Variants in JAK1 observed in about 807,000 individuals in gnomAD.
JAK1 encodes the protein tyrosine-protein kinase JAK1.
JAK1 carries 16 observed loss-of-function variants against 136.6 expected under a neutral mutation model. The observed-to-expected ratio is 0.12, with a 90% confidence interval of 0.08 to 0.18. The LOEUF is 0.18. Among genes scored for constraint, JAK1 ranks in the 10% least tolerant of loss-of-function variants. The probability of loss-of-function intolerance (pLI) is 1.00; values close to 1 mark genes in which losing one functional copy is unlikely to be tolerated. For synonymous variants in JAK1, 492 were observed against 519.5 expected (o/e 0.95, Z 0.72); for missense variants, 859 against 1,450.1 (o/e 0.59, Z 6.62).
At chr1:64,888,989 C>A (rs1023849009) in intron 1 of JAK1, among the ~76,000 whole-genome samples, 3 of 152,210 alleles carry the variant, frequency 2.0e-5, no homozygotes, top group African/African-American at 7.2e-5. Context: ...TGCTGATCCA[C>A]TTTATATGAA....
chr1:65,007,316 GTTCT>G (rs1399679759), intron 2 of JAK1, among the ~76,000 whole-genome samples: 3 of 152,130 alleles, frequency 2.0e-5, no homozygotes, highest in Non-Finnish European at 4.4e-5. Flanking sequence ...TCTTATTCTT[GTTCT>G]TTGTCAGGCA....
chr1:64,965,481 A>T (rs1646355637), intron 1 of JAK1, among the ~76,000 whole-genome samples: 3 of 152,138 alleles, frequency 2.0e-5, no homozygotes, highest in Non-Finnish European at 4.4e-5. Flanking sequence ...CGTGGTAAAC[A>T]CACATCCAAG....
intron 5 of JAK1, among the ~76,000 whole-genome samples, chr1:64,870,415 T>C (rs1159165620): frequency 2.0e-5 from 3 of 152,082 alleles, no homozygotes; most frequent in African/African-American, 7.2e-5. Flanking sequence ...GATTCCACTC[T>C]AAGGAGAAAG....
intron 1 of JAK1, among the ~76,000 whole-genome samples, chr1:64,907,494 G>A (rs1481881639): frequency 2.6e-5 from 4 of 152,118 alleles, no homozygotes; most frequent in African/African-American, 7.2e-5. Context: ...AATAAGATAT[G>A]TTTGGACACA....
intron 1 of JAK1, among the ~76,000 whole-genome samples, chr1:64,887,345 T>G (rs559298543): frequency 6.6e-6 from 1 of 152,338 alleles, no homozygotes; most frequent in East Asian, 1.9e-4. Context: ...CACAAAAGTT[T>G]TTTAAAAATT....
At chr1:65,013,369 C>T (rs1042689640) in intron 2 of JAK1, among the ~76,000 whole-genome samples, 9 of 150,882 alleles carry the variant, frequency 6.0e-5, no homozygotes, top group African/African-American at 2.0e-4. Context: ...GCACTCCAGC[C>T]TGGGCAACAG....
At chr1:65,066,658 G>C (rs950805794) in intron 1 of JAK1, 1 of 152,576 alleles carries the variant, frequency 6.6e-6, no homozygotes, top group East Asian at 1.9e-4. Context: ...CCTCGTGGTA[G>C]CGCCCGGTCC....
chr1:64,939,403 A>G (rs930324142), intron 1 of JAK1, among the ~76,000 whole-genome samples: 5 of 152,238 alleles, frequency 3.3e-5, no homozygotes, highest in Non-Finnish European at 5.9e-5. Context: ...ATACATTCAC[A>G]CAAGTTCACA....
At chr1:64,985,730 C>G in intron 2 of JAK1, 1 of 685,694 alleles carries the variant, frequency 1.5e-6, no homozygotes, top group Non-Finnish European at 2.7e-6. Flanking sequence ...CCAAGTAGGC[C>G]AGGATCAGTA....
chr1:64,941,914 C>T (rs1645897092), intron 1 of JAK1: 1 of 152,092 alleles, frequency 6.6e-6, no homozygotes, highest in Non-Finnish European at 1.5e-5. Context: ...CAGAGAAAGC[C>T]CTAGAGAAAG....
upstream of JAK1, among the ~76,000 whole-genome samples, chr1:64,967,493 A>G (rs1329753596): frequency 6.6e-6 from 1 of 152,188 alleles, no homozygotes; most frequent in African/African-American, 2.4e-5. Flanking sequence ...CTTCCCCCTG[A>G]CAATCCCTGG....
intron 2 of JAK1, among the ~76,000 whole-genome samples, chr1:65,005,894 A>C (rs1236792147): frequency 1.3e-5 from 2 of 152,174 alleles, no homozygotes; most frequent in Non-Finnish European, 2.9e-5. Context: ...ATCTTGCAGA[A>C]GAATAAGTTG....
intron 22 of JAK1, 113 bp from the exon 23 acceptor site, chr1:64,836,328 TCTGA>T (rs1291062898): frequency 4.2e-6 from 3 of 708,318 alleles, no homozygotes; most frequent in Non-Finnish European, 7.7e-6. Context: ...TAATACAGCA[TCTGA>T]CTGTGTATTA....
chr1:64,864,386 G>A (rs2101099635), intron 8 of JAK1, among the ~76,000 whole-genome samples: 1 of 152,382 alleles, frequency 6.6e-6, no homozygotes, highest in Non-Finnish European at 1.5e-5. Flanking sequence ...CTGTGGCCGA[G>A]GCTCGCCTGA....
chr1:64,964,341 T>A (rs1646336111), intron 1 of JAK1, among the ~76,000 whole-genome samples: 1 of 152,218 alleles, frequency 6.6e-6, no homozygotes. Flanking sequence ...AAAACACAGA[T>A]CATGGTCTTT....
At chr1:64,881,058 C>G (rs1289728406) in intron 3 of JAK1, among the ~76,000 whole-genome samples, 1 of 151,986 alleles carries the variant, frequency 6.6e-6, no homozygotes, top group Non-Finnish European at 1.5e-5. Context: ...CACTTGAGGT[C>G]AAGAGTTCGA....
intron 1 of JAK1, among the ~76,000 whole-genome samples, chr1:65,054,115 T>C (rs530260288): frequency 1.3e-5 from 2 of 152,252 alleles, no homozygotes; most frequent in Non-Finnish European, 2.9e-5. Flanking sequence ...AAATGAATCC[T>C]TTTTACCCAC....
At position 64,879,109 on chromosome 1, in the gene JAK1, T is replaced by C. The variant is rs1287667661; in HGVS notation, c.245A>G (p.Asp82Gly). 6.2e-7 allele frequency: 1 copy of C among 1,613,836 alleles called. No homozygotes were observed. The highest frequency in any genetic ancestry group is 2.2e-5 in the East Asian group (1 of 44,856). ...AGCATACCAGAGCTTGGTGTTCTCG[T>C]CATACAGGGCAAAGAGGTTGTGACA... is the stretch of plus-strand genomic sequence containing the variant. ...PLCHNLFALY[D>G]ENTKLWYAPN... The change falls in exon 4 of 25, where the codon GAC becomes GGC. Residue 82 changes from aspartate to glycine, a missense_variant. Around this residue, in one of 4 missense-constraint regions of JAK1, gnomAD observed 353 missense variants for 494.0 expected, o/e 0.71. Transcript: ENST00000342505.
At chr1:65,016,167 C>G (rs759956940) in intron 2 of JAK1, among the ~76,000 whole-genome samples, 1 of 152,088 alleles carries the variant, frequency 6.6e-6, no homozygotes, top group Non-Finnish European at 1.5e-5. Flanking sequence ...GTAAACTAGA[C>G]GCAAGTTTGT....
Sources: allele counts gnomAD v4.1 joint callset (sites outside exome capture counted in the v4.1 genomes callset), GRCh38; gene constraint gnomAD v4.1.1; regional missense constraint gnomAD v4.1.1; transcripts MANE v1.5; gene names NCBI Gene and HGNC (gene_info 2026-07-23, HGNC 2026-07-21).